Variants in DIAPH2 observed in about 807,000 individuals in gnomAD.
DIAPH2 encodes diaphanous related formin 2.
In DIAPH2, 35 loss-of-function variants were observed where a neutral mutation model predicts 92.7. That is an observed-to-expected ratio of 0.38 (90% CI 0.29 to 0.50). DIAPH2 has a LOEUF of 0.50. DIAPH2 is among the 20% of genes least tolerant of loss of function. DIAPH2 has a pLI of 0.94. For missense variants in DIAPH2, 701 were observed against 819.5 expected (o/e 0.86, Z 1.77); for synonymous variants, 301 against 280.4 (o/e 1.07, Z -0.73).
intron 17 of DIAPH2, among the ~76,000 whole-genome samples, chrX:97,037,429 G>A (rs1470474258): frequency 9.0e-6 from 1 of 111,518 alleles, no homozygotes; most frequent in African/African-American, 3.3e-5. Flanking sequence ...CTTCCTGCAA[G>A]CATTGCCTTG....
intron 22 of DIAPH2, among the ~76,000 whole-genome samples, chrX:97,211,868 G>A (rs760506863): frequency 8.9e-6 from 1 of 111,805 alleles, no homozygotes; most frequent in Non-Finnish European, 1.9e-5. Context: ...CTGCCAGTTT[G>A]CTACCTAATC....
At chrX:97,029,731 A>T (rs1229926296) in intron 17 of DIAPH2, among the ~76,000 whole-genome samples, 1 of 110,861 alleles carries the variant, frequency 9.0e-6, no homozygotes, top group Non-Finnish European at 1.9e-5. Flanking sequence ...CATAATTGTC[A>T]CCCTTATCCA....
chrX:96,860,543 G>A (rs1487762448), intron 4 of DIAPH2, among the ~76,000 whole-genome samples: 1 of 111,471 alleles, frequency 9.0e-6, no homozygotes, highest in Non-Finnish European at 1.9e-5. Flanking sequence ...AGAATTTGAC[G>A]GAATATACCA....
In DIAPH2 at chrX:97,237,153, C is replaced by A. The variant is rs1235049437; in HGVS notation, c.2720-10562C>A. On this transcript the variant is annotated intron_variant, in intron 22 of 26. Coordinates refer to ENST00000324765, the MANE Select transcript of DIAPH2 (RefSeq NM_006729.5). ...GGATTTTCTTCTTTCTAGTTTTAGT[C>A]AACACGTCTACATTCTTCATAGCCC... Among the ~76,000 whole-genome samples the A allele has an allele frequency of 2.7e-5, 3 of 112,017 alleles. No individual in the cohort carries two copies. In the Admixed American group the frequency reaches 2.9e-4, roughly 11 times the overall value.
intron 21 of DIAPH2, among the ~76,000 whole-genome samples, chrX:97,125,714 T>TA (rs1602358655): frequency 1.8e-5 from 2 of 110,656 alleles, no homozygotes; most frequent in Non-Finnish European, 3.8e-5. Context: ...TCTTTCATTT[T>TA]AAAAAAATTA....
chrX:97,095,496 A>AAT lies in DIAPH2; in HGVS notation c.2248-4188_2248-4187dup, dbSNP rs940632211. ...AAAGTAAGACATTACATATATATAT[A>AAT]ATATATATATAAATACATTTTTTAT... On this transcript the variant is annotated intron_variant, in intron 19 of 26. Coordinates refer to ENST00000324765, the MANE Select transcript of DIAPH2 (RefSeq NM_006729.5). 6.5e-5 allele frequency among the ~76,000 whole-genome samples: 7 copies of AAT among 107,666 alleles called. No homozygotes were observed. In the East Asian group the frequency reaches 1.4e-3, roughly 22 times the overall value. 93.5% of individuals were successfully genotyped at this position (107,666 alleles called of 115,157 possible).
At chrX:97,373,790 G>C (rs1173628367) in intron 24 of DIAPH2, among the ~76,000 whole-genome samples, 3 of 108,754 alleles carry the variant, frequency 2.8e-5, no homozygotes, top group African/African-American at 1.0e-4. Context: ...ATTTTTAGTA[G>C]AGACGGGGTT....
In DIAPH2 at chrX:97,337,113, TTTTC is replaced by T. The variant is rs778557217; in HGVS notation, c.2845-10991_2845-10988del. ...ATTATTTAAATGTCCTATGCCTCGA[TTTTC>T]TTTCTTTCTTTTCTTTTTTTTTTTT... On this transcript the variant is annotated intron_variant, in intron 23 of 26. Coordinates refer to ENST00000324765, the MANE Select transcript of DIAPH2 (RefSeq NM_006729.5). Among the ~76,000 whole-genome samples the T allele has an allele frequency of 8.8e-3, 958 of 108,801 alleles. 3 individuals are homozygous for T. The highest frequency in any genetic ancestry group is 0.015 in the Non-Finnish European group (771 of 52,643). The allele number at this position is 108,801 out of a possible 115,157, so 94.5% of individuals were successfully genotyped here. A position where few individuals can be genotyped will look rare whatever the true frequency, so the allele number is the denominator to read the frequency against.
chrX:97,023,371 TAC>T (rs1266086302), intron 17 of DIAPH2, among the ~76,000 whole-genome samples: 1 of 111,960 alleles, frequency 8.9e-6, no homozygotes. Context: ...CAATAATACT[TAC>T]AAACACATAT....
chrX:97,020,401 C>T (rs1224863000), intron 17 of DIAPH2, among the ~76,000 whole-genome samples: 1 of 111,597 alleles, frequency 9.0e-6, no homozygotes, highest in African/African-American at 3.3e-5. Flanking sequence ...ATGCGGTAGC[C>T]CTGCCTTATC....
chrX:97,244,816 C>T (rs1373478218), intron 22 of DIAPH2, among the ~76,000 whole-genome samples: 2 of 111,985 alleles, frequency 1.8e-5, no homozygotes, highest in African/African-American at 6.5e-5. Flanking sequence ...TCAGGCCGGA[C>T]ATGGTGGCTC....
intron 1 of DIAPH2, among the ~76,000 whole-genome samples, chrX:96,691,442 C>T (rs754638908): frequency 8.9e-6 from 1 of 112,125 alleles, no homozygotes; most frequent in Admixed American, 9.5e-5. Context: ...TTTCACATAG[C>T]TATTTATTGT....
chrX:96,949,855 G>A (rs1290693062), intron 15 of DIAPH2, among the ~76,000 whole-genome samples: 18 of 96,659 alleles, frequency 1.9e-4, no homozygotes, highest in African/African-American at 7.0e-4. Context: ...GCGAGACTCC[G>A]TCTGAAAAAA....
rs186551351 is a variant in DIAPH2 at position 96,780,244 on chromosome X, C to T, written c.447+21986C>T. 1.4e-4 allele frequency among the ~76,000 whole-genome samples: 16 copies of T among 111,516 alleles called. No individual in the cohort carries two copies. The East Asian group carries it at 3.4e-3, about 24-fold the overall frequency. On this transcript the variant is annotated intron_variant, in intron 4 of 26. Coordinates refer to ENST00000324765, the MANE Select transcript of DIAPH2 (RefSeq NM_006729.5). ...ATTCAAATAGTCTCATTGTTCTTTT[C>T]GATTAACTTATAAATCAATCCCCAC...
Position 96,957,969 on chromosome X carries a change from G to A in DIAPH2, c.1756G>A (p.Gly586Arg). ...TCCTCCTCCACCACCTCCTTTACCT[G>A]GAATGATGGGGATACCACCACCACC... The part of the protein sequence containing the change: ...PLPPPPPPLP[G>R]MMGIPPPPPP... Residue 586 changes from glycine to arginine, a missense_variant, in exon 16 of 27, where the codon GGA becomes AGA. Gly to Arg is a moderately radical substitution (Grantham distance 125, BLOSUM62 -2). Around this residue, in one of 3 missense-constraint regions of DIAPH2, gnomAD observed 536 missense variants for 599.3 expected, o/e 0.89. Coordinates refer to ENST00000324765, the MANE Select transcript of DIAPH2 (RefSeq NM_006729.5). The A allele has an allele frequency of 8.3e-7, 1 of 1,208,952 alleles. No individual in the cohort carries two copies. The highest frequency in any genetic ancestry group is 1.1e-6 in the Non-Finnish European group (1 of 894,332).
intron 21 of DIAPH2, among the ~76,000 whole-genome samples, chrX:97,135,793 G>A (rs962669262): frequency 9.0e-6 from 1 of 111,539 alleles, no homozygotes; most frequent in Admixed American, 9.5e-5. Context: ...TTAAAAAAAA[G>A]CACTTATGAA....
At chrX:96,894,974 A>ATTTTTT (rs766131166) in intron 5 of DIAPH2, among the ~76,000 whole-genome samples, 1 of 59,531 alleles carries the variant, frequency 1.7e-5, no homozygotes, top group East Asian at 6.2e-4. Flanking sequence ...GTTTTTCTTA[A>ATTTTTT]TTTTTTTTTT....
chrX:97,247,621 TAA>T (rs773990783), intron 22 of DIAPH2, 92 bp from the exon 23 acceptor site: 2 of 812,513 alleles, frequency 2.5e-6, no homozygotes, highest in Admixed American at 3.4e-5. Flanking sequence ...TTCCCACATT[TAA>T]AAAAAAAGAC....
chrX:96,739,066 G>T (rs1431126879), intron 3 of DIAPH2, among the ~76,000 whole-genome samples: 1 of 111,290 alleles, frequency 9.0e-6, no homozygotes, highest in Non-Finnish European at 1.9e-5. Context: ...TAACTGATTT[G>T]TGTGTCTGTT....
Sources: gnomAD v4.1 joint callset for allele counts (sites outside exome capture counted in the v4.1 genomes callset) on GRCh38, gnomAD v4.1.1 for gene constraint, gnomAD v4.1.1 regional missense constraint, MANE v1.5 for transcripts, NCBI Gene and HGNC (gene_info 2026-07-23, HGNC 2026-07-21) for gene names.